RBFOX1: variants seen among roughly 807,000 people sequenced by gnomAD.
RBFOX1 encodes the protein RNA binding protein fox-1 homolog 1.
Under a neutral mutation model 57.7 loss-of-function variants are expected in RBFOX1, and 8 were observed. The observed-to-expected ratio is 0.14, with a 90% CI of 0.08 to 0.25. RBFOX1 has a LOEUF of 0.25. Among genes scored for constraint, RBFOX1 ranks in the 10% least tolerant of loss-of-function variants. The probability of loss-of-function intolerance (pLI) is 1.00; values close to 1 mark genes in which losing one functional copy is unlikely to be tolerated. For synonymous variants in RBFOX1, 326 were observed against 222.4 expected (o/e 1.47, Z -4.15); for missense variants, 611 against 548.5 (o/e 1.11, Z -1.14).
At chr16:7,294,652 T>C (rs143033308) in intron 4 of RBFOX1, among the ~76,000 whole-genome samples, 8 of 152,090 alleles carry the variant, frequency 5.3e-5, no homozygotes, top group Admixed American at 1.3e-4. Context: ...TTTCATATGA[T>C]AAAATTAGGT....
chr16:7,236,841 A>G (rs922839621), intron 4 of RBFOX1, among the ~76,000 whole-genome samples: 10 of 152,170 alleles, frequency 6.6e-5, no homozygotes, highest in Admixed American at 3.9e-4. Context: ...AGCAAAGACT[A>G]GGTTCACTGG....
At chr16:6,813,683 T>G (rs1308107935) in intron 3 of RBFOX1, among the ~76,000 whole-genome samples, 1 of 152,152 alleles carries the variant, frequency 6.6e-6, no homozygotes, top group African/African-American at 2.4e-5. Context: ...TTATCACCTT[T>G]CCAAGTCCCA....
chr16:7,482,897 C>A (rs1444383778), intron 4 of RBFOX1, among the ~76,000 whole-genome samples: 2 of 152,118 alleles, frequency 1.3e-5, no homozygotes, highest in African/African-American at 4.8e-5. Flanking sequence ...GAGAGGGGGG[C>A]AGCTTTTGGC....
intron 4 of RBFOX1, among the ~76,000 whole-genome samples, chr16:7,150,395 A>C (rs1396381555): frequency 1.3e-5 from 2 of 152,142 alleles, no homozygotes. Context: ...TGAGAACGTC[A>C]TGAATTGGTC....
At chr16:7,458,140 C>G (rs912448051) in intron 4 of RBFOX1, among the ~76,000 whole-genome samples, 8 of 152,150 alleles carry the variant, frequency 5.3e-5, no homozygotes, top group African/African-American at 1.9e-4. Flanking sequence ...ACTCACTGGA[C>G]ATTTTCTCAT....
At chr16:7,394,191 G>A (rs1283603620) in intron 4 of RBFOX1, among the ~76,000 whole-genome samples, 1 of 124,478 alleles carries the variant, frequency 8.0e-6, no homozygotes, top group Admixed American at 1.0e-4. Context: ...AGCCAAGATC[G>A]TGCTACTGCA....
intron 4 of RBFOX1, among the ~76,000 whole-genome samples, chr16:7,145,935 G>T (rs1322984514): frequency 6.6e-6 from 1 of 152,130 alleles, no homozygotes; most frequent in Non-Finnish European, 1.5e-5. Flanking sequence ...AGCCGTAGTG[G>T]ACAGGTGCAC....
intron 4 of RBFOX1, among the ~76,000 whole-genome samples, chr16:7,453,182 G>T (rs2057734735): frequency 6.6e-6 from 1 of 151,406 alleles, no homozygotes. Context: ...TTGTTTGGTA[G>T]CCAGGATGGC....
chr16:5,949,602 G>A lies in RBFOX1; in HGVS notation c.351+82267G>A, dbSNP rs148336035. 2.6e-5 allele frequency among the ~76,000 whole-genome samples: 4 copies of A among 151,130 alleles called. No homozygotes were observed. In the East Asian group the frequency reaches 5.8e-4, roughly 22 times the overall value. On this transcript the variant is annotated intron_variant, in intron 4 of 19. Coordinates refer to the RBFOX1 transcript ENST00000641259. ...ACATTGCATTTGGTTACAATGTCTC[G>A]AGTCTTTTGTGTTGTAGCATGGGTC...
chr16:7,531,930 G>GC (rs1004255521), intron 5 of RBFOX1, among the ~76,000 whole-genome samples: 204 of 152,164 alleles, frequency 1.3e-3, no homozygotes, highest in Middle Eastern at 3.4e-3. Flanking sequence ...GCATCCAGTG[G>GC]CCCCATAGAG....
intron 2 of RBFOX1, among the ~76,000 whole-genome samples, chr16:5,592,944 GC>G (rs1187610383): frequency 6.6e-6 from 1 of 152,170 alleles, no homozygotes; most frequent in Non-Finnish European, 1.5e-5. Flanking sequence ...TTGAATAGGA[GC>G]TGGATAAAAT....
At chr16:7,378,295 G>A (rs1217433455) in intron 4 of RBFOX1, among the ~76,000 whole-genome samples, 1 of 152,192 alleles carries the variant, frequency 6.6e-6, no homozygotes, top group Non-Finnish European at 1.5e-5. Flanking sequence ...CAAGGGAAAC[G>A]TAGTGGTGAT....
At chr16:6,715,217 C>A (rs142974495) in intron 3 of RBFOX1, among the ~76,000 whole-genome samples, 221 of 152,062 alleles carry the variant, frequency 1.5e-3, no homozygotes, top group African/African-American at 4.9e-3. Flanking sequence ...CAGTCACACA[C>A]ACAGAACAAT....
At chr16:6,617,023 G>T (rs1243125354) in intron 2 of RBFOX1, among the ~76,000 whole-genome samples, 1 of 152,072 alleles carries the variant, frequency 6.6e-6, no homozygotes, top group African/African-American at 2.4e-5. Context: ...TTCTTTGTAG[G>T]AAAAGTTTGT....
chr16:7,577,925 A>G (rs1346903491), intron 5 of RBFOX1, among the ~76,000 whole-genome samples: 1 of 152,192 alleles, frequency 6.6e-6, no homozygotes, highest in African/African-American at 2.4e-5. Flanking sequence ...CAATGACAAA[A>G]TGATTCTATT....
chr16:7,406,785 C>G (rs1271087759), intron 4 of RBFOX1, among the ~76,000 whole-genome samples: 1 of 152,226 alleles, frequency 6.6e-6, no homozygotes, highest in Non-Finnish European at 1.5e-5. Context: ...TGAAGTAGGT[C>G]TTACTGTACT....
At chr16:5,725,056 C>T (rs935954489) in intron 3 of RBFOX1, among the ~76,000 whole-genome samples, 40 of 152,000 alleles carry the variant, frequency 2.6e-4, no homozygotes, top group African/African-American at 9.7e-4. Flanking sequence ...TTGGGAGATG[C>T]CAGTGGATAA....
At chr16:6,802,469 G>T (rs145965871) in intron 3 of RBFOX1, among the ~76,000 whole-genome samples, 1 of 152,156 alleles carries the variant, frequency 6.6e-6, no homozygotes, top group East Asian at 1.9e-4. Context: ...CTGAGGTCAG[G>T]AGTTTGAGAC....
At chr16:7,657,786 G>A (rs1035078374) in intron 12 of RBFOX1, among the ~76,000 whole-genome samples, 2 of 152,164 alleles carry the variant, frequency 1.3e-5, no homozygotes, top group African/African-American at 4.8e-5. Flanking sequence ...GAAAGTTGTG[G>A]ACCATGGTGG....
Sources: allele counts gnomAD v4.1 joint callset (sites outside exome capture counted in the v4.1 genomes callset), GRCh38; gene constraint gnomAD v4.1.1; transcripts MANE v1.5; gene names NCBI Gene and HGNC (gene_info 2026-07-23, HGNC 2026-07-21).